Variants in ELP1 observed in about 807,000 individuals in gnomAD.
The protein encoded by ELP1 is elongator acetyltransferase complex subunit 1, also known as elongator complex protein 1.
Under a neutral mutation model 183.2 loss-of-function variants are expected in ELP1, and 131 were observed. The observed-to-expected ratio is 0.72, with a 90% CI of 0.62 to 0.83. ELP1 has a LOEUF of 0.83. Ranked by LOEUF, ELP1 falls within the 40% of genes least tolerant of loss-of-function variation. The pLI is 0.00. For missense variants in ELP1, 1,550 were observed against 1,594.9 expected (o/e 0.97, Z 0.48); for synonymous variants, 555 against 569.0 (o/e 0.98, Z 0.35).
At chr9:108,922,182 T>C (rs1475568143) in intron 6 of ELP1, among the ~76,000 whole-genome samples, 1 of 152,212 alleles carries the variant, frequency 6.6e-6, no homozygotes, top group African/African-American at 2.4e-5. Context: ...TTTCAATTCA[T>C]AGTTTTAAAA....
chr9:108,893,010 A>G lies in ELP1; in HGVS notation c.2934T>C (p.Tyr978=). Reference sequence around the variant, plus strand: ...CCTGGTACTGTTGTGAGCTTGGTGAATATAACTTCAGAGCTTCGTTATACA... The same window carrying G: ...CCTGGTACTGTTGTGAGCTTGGTGAGTATAACTTCAGAGCTTCGTTATACA... ...KNLYNEALKL[Y]SPSSQQYQDI... is the part of the protein sequence containing the mutation. Residue 978 remains tyrosine (Y), a synonymous_variant, in exon 27 of 37, where the codon TAT becomes TAC. Coordinates refer to ENST00000374647, the MANE Select transcript of ELP1 (RefSeq NM_003640.5). 1 of 1,613,604 alleles carries G rather than the reference A, an allele frequency of 6.2e-7. No individual in the cohort carries two copies. The highest frequency in any genetic ancestry group is 8.5e-7 in the Non-Finnish European group (1 of 1,179,508).
At position 108,926,565 on chromosome 9, in the gene ELP1, G is replaced by A. The variant is rs370034421; in HGVS notation, c.424C>T (p.Pro142Ser). 4 of 1,612,748 alleles carry A rather than the reference G, an allele frequency of 2.5e-6. No homozygotes were observed. Among genetic ancestry groups the A allele is most frequent in the Non-Finnish European group, 3.4e-6 (4 of 1,179,768 alleles). Residue 142 changes from proline to serine, a missense_variant, in exon 5 of 37, where the codon CCA (proline) becomes TCA (serine). By Grantham distance (74) the Pro-to-Ser change is moderately conservative (BLOSUM62 -1). Coordinates refer to ENST00000374647, the MANE Select transcript of ELP1 (RefSeq NM_003640.5). ...TLIMMTKDFE[P>S]ILEQQIHQDD... Reference sequence around the variant, plus strand: ...TGATGGATCTGCTGCTCCAGGATTGGCTCAAAATCTTTTGTCATCATAATC... The same window carrying A: ...TGATGGATCTGCTGCTCCAGGATTGACTCAAAATCTTTTGTCATCATAATC...
Position 108,920,026 on chromosome 9 carries a change from C to A in ELP1, c.553-677G>T, listed in dbSNP as rs2417958. 6.8e-4 allele frequency among the ~76,000 whole-genome samples: 104 copies of A among 152,198 alleles called. 3 individuals are homozygous for A. The South Asian group carries it at 0.021, about 31-fold the overall frequency. ...AGTAGGGAATACATAGGTAGCCTAA[C>A]AAAATTTATTCTCAATGAAACTGTC... On this transcript the variant is annotated intron_variant, in intron 6 of 36. Coordinates refer to ENST00000374647, the MANE Select transcript of ELP1 (RefSeq NM_003640.5).
Position 108,897,224 on chromosome 9 carries a change from T to C in ELP1, c.2425A>G (p.Arg809Gly), listed in dbSNP as rs1361555927. The C allele has an allele frequency of 6.2e-7, 1 of 1,614,136 alleles. No individual in the cohort carries two copies. Among genetic ancestry groups the C allele is most frequent in the East Asian group, 2.2e-5 (1 of 44,878 alleles). The change falls in exon 23 of 37, where the codon AGG becomes GGG. Residue 809 changes from arginine (R) to glycine (G), a missense_variant. Physicochemically the swap from Arg to Gly is moderately radical, Grantham distance 125. Transcript: ENST00000374647. ...TCTATTTTATTCCCGTCAGGATCCC[T>C]GGACAGGTAGACACTGCTGGTAACT... ...APVTSSVYLS[R>G]DPDGNKIDLV...
chr9:108,891,384 C>T lies in ELP1; in HGVS notation c.2979G>A (p.Gly993=). Reference sequence around the variant, plus strand: ...ACATGTGCTCCTGCATCAGGTGCTCCCCATAAGCAATGCTGATATCCTGTG... The same window carrying T: ...ACATGTGCTCCTGCATCAGGTGCTCTCCATAAGCAATGCTGATATCCTGTG... ...QQYQDISIAY[G]EHLMQEHMYE... The change falls in exon 28 of 37, where the codon GGG becomes GGA. Residue 993 remains glycine, a synonymous_variant. Coordinates refer to ENST00000374647, the MANE Select transcript of ELP1 (RefSeq NM_003640.5). 6.2e-7 allele frequency: 1 copy of T among 1,613,676 alleles called. No individual in the cohort carries two copies. Among genetic ancestry groups the T allele is most frequent in the Non-Finnish European group, 8.5e-7 (1 of 1,179,974 alleles).
rs745633656 is a variant in ELP1 at position 108,879,535 on chromosome 9, TTGCCCG to T, written c.3477_3482del (p.His1159_Gly1160del). ...TAGTTTCAGAGAAGAGGTCTGACTC[TTGCCCG>T]TGGGGTACCTCATCATCTAGAAAAG... On this transcript the variant is annotated inframe_deletion, in exon 33 of 37. Coordinates refer to ENST00000374647, the MANE Select transcript of ELP1 (RefSeq NM_003640.5). 1 of 1,614,076 alleles carries T rather than the reference TTGCCCG, an allele frequency of 6.2e-7. No individual in the cohort carries two copies. The highest frequency in any genetic ancestry group is 1.1e-5 in the South Asian group (1 of 91,080).
Position 108,919,306 on chromosome 9 carries a change from G to A in ELP1, c.596C>T (p.Thr199Ile). 3 of 1,613,802 alleles carry A rather than the reference G, an allele frequency of 1.9e-6. No homozygotes were observed. In the South Asian group the frequency reaches 3.3e-5, roughly 18 times the overall value. ...LPWDDHRPQV[T>I]WRGDGQFFAV... ...AAAAAACTGTCCATCCCCCCGCCAG[G>A]TAACTTGTGGTCTATGGTCATCCCA... Residue 199 changes from threonine (T) to isoleucine (I), a missense_variant, in exon 7 of 37, where the codon ACC becomes ATC. Transcript: ENST00000374647.
At chr9:108,915,880 A>C (rs1333100947) in intron 10 of ELP1, among the ~76,000 whole-genome samples, 1 of 152,102 alleles carries the variant, frequency 6.6e-6, no homozygotes, top group Non-Finnish European at 1.5e-5. Context: ...CTGACTTTTC[A>C]TATCTGAGTG....
chr9:108,926,407 TG>T, intron 5 of ELP1, 115 bp downstream of exon 5: 2 of 812,714 alleles, frequency 2.5e-6, no homozygotes, highest in Non-Finnish European at 4.1e-6. Context: ...ATTTAATAGC[TG>T]GGGGTTTAAC....
At chr9:108,906,551 G>T in intron 13 of ELP1, 66 bp from the exon 14 acceptor site, 1 of 1,360,950 alleles carries the variant, frequency 7.3e-7, no homozygotes, top group Non-Finnish European at 1.0e-6. Flanking sequence ...GACGTTCCTG[G>T]ATGAAGGAAG....
intron 8 of ELP1, 69 bp from the exon 9 acceptor site, chr9:108,917,739 G>A: frequency 3.2e-6 from 5 of 1,549,568 alleles, no homozygotes; most frequent in Non-Finnish European, 4.5e-6. Flanking sequence ...AAATCCAGAA[G>A]AGTTTTTTTT....
chr9:108,929,930 A>G lies in ELP1; in HGVS notation c.151-9T>C, dbSNP rs747310144. The G allele has an allele frequency of 1.2e-6, 2 of 1,613,268 alleles. No homozygotes were observed. The highest frequency in any genetic ancestry group is 4.5e-5 in the East Asian group (2 of 44,886). The stretch of plus-strand genomic sequence containing the variant: ...GAAACTTCATTTTTCACCTTTCACC[A>G]AAGTAAACACAAGCAAATTAACCCA... On this transcript the variant is annotated splice_polypyrimidine_tract_variant and intron_variant, in intron 2 of 36. Transcript: ENST00000374647.
At chr9:108,904,533 A>T (rs764327758) in intron 14 of ELP1, among the ~76,000 whole-genome samples, 3 of 152,246 alleles carry the variant, frequency 2.0e-5, no homozygotes, top group Non-Finnish European at 4.4e-5. Flanking sequence ...AAAACTAAAC[A>T]TTATAACAAT....
intron 13 of ELP1, among the ~76,000 whole-genome samples, chr9:108,907,215 C>G (rs1188574122): frequency 1.3e-5 from 2 of 152,166 alleles, no homozygotes; most frequent in Non-Finnish European, 2.9e-5. Context: ...TTTGCCAACC[C>G]CAAACCTATC....
At chr9:108,914,738 G>A (rs920738863) in intron 10 of ELP1, among the ~76,000 whole-genome samples, 2 of 152,036 alleles carry the variant, frequency 1.3e-5, no homozygotes, top group African/African-American at 4.8e-5. Context: ...CCATTCTCCT[G>A]CCTCAGCCTC....
intron 28 of ELP1, chr9:108,889,770 C>A: frequency 3.3e-6 from 1 of 305,112 alleles, no homozygotes; most frequent in South Asian, 3.4e-5. Context: ...CCTAGAATCA[C>A]TCTCAGCCCA....
At position 108,917,564 on chromosome 9, in the gene ELP1, G is replaced by A; in HGVS notation, c.847C>T (p.Leu283Phe). The A allele has an allele frequency of 6.2e-7, 1 of 1,613,806 alleles. No homozygotes were observed. The highest frequency in any genetic ancestry group is 8.5e-7 in the Non-Finnish European group (1 of 1,179,906). ...LLHGHFTLPFLKDEVKVNDLL... is the reference protein window; with the variant it reads ...LLHGHFTLPFFKDEVKVNDLL... ...GCACTTACCTTAACCTCATCTTTAA[G>A]GAAGGGAAGTGTAAAGTGTCCATGA... Residue 283 changes from leucine to phenylalanine, a missense_variant, in exon 9 of 37, where the codon CTT (leucine) becomes TTT (phenylalanine). By Grantham distance (22) the Leu-to-Phe change is conservative (BLOSUM62 0). Coordinates refer to ENST00000374647, the MANE Select transcript of ELP1 (RefSeq NM_003640.5).
At chr9:108,905,620 A>C (rs192250596) in intron 14 of ELP1, among the ~76,000 whole-genome samples, 1 of 152,308 alleles carries the variant, frequency 6.6e-6, no homozygotes, top group East Asian at 1.9e-4. Context: ...ATATATGTGC[A>C]ATTATGCATC....
intron 35 of ELP1, chr9:108,875,693 A>C (rs1476066259): frequency 9.7e-6 from 4 of 413,410 alleles, no homozygotes; most frequent in African/African-American, 2.1e-5. Context: ...CCAGGAGTTC[A>C]AGACCAGCTT....
Sources: gnomAD v4.1 joint callset for allele counts (sites outside exome capture counted in the v4.1 genomes callset) on GRCh38, gnomAD v4.1.1 for gene constraint, MANE v1.5 for transcripts, NCBI Gene and HGNC (gene_info 2026-07-23, HGNC 2026-07-21) for gene names.